The following NKAIN3 variants were observed in gnomAD, a reference collection of about 807,000 sequenced individuals.
NKAIN3 encodes the protein sodium/potassium-transporting ATPase subunit beta-1-interacting protein 3.
Under a neutral mutation model 30.2 loss-of-function variants are expected in NKAIN3, and 25 were observed. That is an observed-to-expected ratio of 0.83 (90% CI 0.60 to 1.16). The LOEUF (loss-of-function observed/expected upper bound fraction) is 1.16, where lower values mean the gene tolerates loss of function less well. Among genes scored for constraint, NKAIN3 ranks in the 50% most tolerant of loss-of-function variants. NKAIN3 has a pLI of 0.00. For synonymous variants in NKAIN3, 91 were observed against 89.6 expected (o/e 1.02, Z -0.09); for missense variants, 225 against 254.1 (o/e 0.89, Z 0.78).
At chr8:62,266,886 A>C (rs1812624917) in intron 1 of NKAIN3, among the ~76,000 whole-genome samples, 1 of 152,246 alleles carries the variant, frequency 6.6e-6, no homozygotes. Context: ...ATATGGCTGC[A>C]GAACTGCCTT....
At chr8:62,688,736 AG>A (rs1275867413) in intron 3 of NKAIN3, among the ~76,000 whole-genome samples, 17 of 140,640 alleles carry the variant, frequency 1.2e-4, no homozygotes, top group Non-Finnish European at 2.3e-4. Context: ...ACAGACAGAC[AG>A]ACAGACACAC....
At chr8:62,905,125 T>C (rs1445660387) in intron 4 of NKAIN3, among the ~76,000 whole-genome samples, 8 of 152,028 alleles carry the variant, frequency 5.3e-5, no homozygotes, top group African/African-American at 1.9e-4. Context: ...ATGGATCAAC[T>C]AAAAAAATCA....
intron 1 of NKAIN3, among the ~76,000 whole-genome samples, chr8:62,361,324 T>C (rs932394647): frequency 6.6e-6 from 1 of 152,250 alleles, no homozygotes; most frequent in African/African-American, 2.4e-5. Context: ...GCCTTTGAAG[T>C]TTATATTTGA....
At chr8:62,300,300 G>A (rs1284833166) in intron 1 of NKAIN3, among the ~76,000 whole-genome samples, 1 of 151,962 alleles carries the variant, frequency 6.6e-6, no homozygotes, top group Non-Finnish European at 1.5e-5. Context: ...TGGAACAGAT[G>A]TATAAACAAT....
At chr8:62,369,733 G>T (rs955050318) in intron 1 of NKAIN3, among the ~76,000 whole-genome samples, 7 of 151,504 alleles carry the variant, frequency 4.6e-5, no homozygotes, top group Admixed American at 6.6e-5. Flanking sequence ...ACCATCAGGG[G>T]GATTATTTGA....
chr8:62,368,142 C>T (rs1261256222), intron 1 of NKAIN3, among the ~76,000 whole-genome samples: 1 of 151,690 alleles, frequency 6.6e-6, no homozygotes, highest in Non-Finnish European at 1.5e-5. Context: ...TGTTCATACT[C>T]CCCCCAAGGA....
intron 4 of NKAIN3, among the ~76,000 whole-genome samples, chr8:62,832,010 A>C (rs1171830646): frequency 6.6e-6 from 1 of 152,132 alleles, no homozygotes; most frequent in Non-Finnish European, 1.5e-5. Flanking sequence ...ATCAGGCTAA[A>C]AGCAGACATC....
At chr8:62,278,601 T>A (rs1813049002) in intron 1 of NKAIN3, among the ~76,000 whole-genome samples, 2 of 152,008 alleles carry the variant, frequency 1.3e-5, no homozygotes, top group South Asian at 4.1e-4. Context: ...ATTGTTCAGT[T>A]CACACCTATG....
chr8:62,416,110 C>A (rs1804436738), intron 1 of NKAIN3, among the ~76,000 whole-genome samples: 1 of 152,082 alleles, frequency 6.6e-6, no homozygotes, highest in South Asian at 2.1e-4. Context: ...TTTCTGCACC[C>A]TCACTGCCGT....
intron 5 of NKAIN3, among the ~76,000 whole-genome samples, chr8:62,922,908 C>T (rs892237659): frequency 2.6e-5 from 4 of 152,126 alleles, no homozygotes; most frequent in Non-Finnish European, 5.9e-5. Context: ...AGCTAATCCT[C>T]CCACTAGCAA....
At chr8:62,812,884 T>C (rs1270912012) in intron 4 of NKAIN3, among the ~76,000 whole-genome samples, 1 of 151,968 alleles carries the variant, frequency 6.6e-6, no homozygotes, top group Non-Finnish European at 1.5e-5. Flanking sequence ...TGGTTAATCT[T>C]TTTAATAAAA....
intron 1 of NKAIN3, among the ~76,000 whole-genome samples, chr8:62,414,302 G>A (rs1469044543): frequency 2.0e-5 from 3 of 152,092 alleles, no homozygotes; most frequent in Non-Finnish European, 4.4e-5. Context: ...TAAATAAAAG[G>A]AGCTGCATTA....
At chr8:62,959,677 T>A (rs1047356205) in intron 6 of NKAIN3, among the ~76,000 whole-genome samples, 11 of 152,222 alleles carry the variant, frequency 7.2e-5, no homozygotes, top group Non-Finnish European at 1.5e-4. Flanking sequence ...AAATTCTGCA[T>A]GCTGTTTCTC....
chr8:62,665,588 G>T (rs150837330), intron 3 of NKAIN3, among the ~76,000 whole-genome samples: 1 of 152,144 alleles, frequency 6.6e-6, no homozygotes, highest in Non-Finnish European at 1.5e-5. Flanking sequence ...TTGGTGATTG[G>T]GCCACAGGGA....
chr8:62,891,935 C>T (rs58553793), intron 4 of NKAIN3, among the ~76,000 whole-genome samples: 31 of 152,178 alleles, frequency 2.0e-4, no homozygotes, highest in African/African-American at 7.2e-4. Context: ...TCAGGAAAGA[C>T]CCTGCTGAAA....
chr8:62,862,584 G>C (rs150396040), intron 4 of NKAIN3, among the ~76,000 whole-genome samples: 1,671 of 152,100 alleles, frequency 0.011, 26 homozygotes, highest in South Asian at 0.019. Flanking sequence ...TTCATGAAAA[G>C]AGTACTGAAA....
At chr8:62,587,879 A>G (rs1810528164) in intron 2 of NKAIN3, among the ~76,000 whole-genome samples, 1 of 152,018 alleles carries the variant, frequency 6.6e-6, no homozygotes, top group African/African-American at 2.4e-5. Context: ...GAGATCCTGA[A>G]TATACTTCAA....
At chr8:62,435,369 C>T (rs1365039213) in intron 1 of NKAIN3, among the ~76,000 whole-genome samples, 2 of 152,136 alleles carry the variant, frequency 1.3e-5, no homozygotes, top group Admixed American at 6.6e-5. Context: ...CTTCCGTGTA[C>T]TCTTACCAAA....
intron 1 of NKAIN3, among the ~76,000 whole-genome samples, chr8:62,291,794 T>G (rs906116460): frequency 1.3e-5 from 2 of 152,206 alleles, no homozygotes; most frequent in Non-Finnish European, 2.9e-5. Flanking sequence ...GATATCTTTT[T>G]TACATTCTGT....
Sources: allele counts gnomAD v4.1 joint callset (sites outside exome capture counted in the v4.1 genomes callset), GRCh38; gene constraint gnomAD v4.1.1; transcripts MANE v1.5; gene names NCBI Gene and HGNC (gene_info 2026-07-23, HGNC 2026-07-21).